SH3RF1: variants seen among roughly 807,000 people sequenced by gnomAD.
SH3RF1 encodes the protein E3 ubiquitin-protein ligase SH3RF1.
Under a neutral mutation model 74.0 loss-of-function variants are expected in SH3RF1, and 32 were observed. The observed-to-expected ratio is 0.43, with a 90% CI of 0.33 to 0.58. The LOEUF is 0.58. Among genes scored for constraint, SH3RF1 ranks in the 20% least tolerant of loss-of-function variants. The probability of loss-of-function intolerance (pLI) is 0.05; values close to 1 mark genes in which losing one functional copy is unlikely to be tolerated. For missense variants in SH3RF1, 954 were observed against 1,130.9 expected, an observed-to-expected ratio of 0.84 and a Z score of 2.24; for synonymous variants, 396 against 439.6, an observed-to-expected ratio of 0.90 and a Z score of 1.24.
At chr4:169,261,128 T>C (rs908967979) in intron 2 of SH3RF1, among the ~76,000 whole-genome samples, 2 of 151,930 alleles carry the variant, frequency 1.3e-5, no homozygotes, top group Non-Finnish European at 2.9e-5. Context: ...GGAGCTTAGG[T>C]CCCTATGGCT....
At chr4:169,123,238 T>C (rs1293414050) in intron 6 of SH3RF1, among the ~76,000 whole-genome samples, 1 of 152,164 alleles carries the variant, frequency 6.6e-6, no homozygotes, top group Non-Finnish European at 1.5e-5. Flanking sequence ...GTCATCTTAT[T>C]TCTGTTTTTT....
chr4:169,153,082 A>G (rs1022367049), intron 4 of SH3RF1, among the ~76,000 whole-genome samples: 5 of 152,134 alleles, frequency 3.3e-5, no homozygotes, highest in Admixed American at 3.3e-4. Flanking sequence ...TTCCTTGGGC[A>G]TATCCATTAC....
intron 2 of SH3RF1, among the ~76,000 whole-genome samples, chr4:169,205,350 C>T (rs1419569895): frequency 2.0e-5 from 3 of 152,172 alleles, no homozygotes; most frequent in African/African-American, 7.2e-5. Context: ...ACAGAAATGA[C>T]TTGTCAGATT....
At chr4:169,160,880 T>C (rs1734139455) in intron 2 of SH3RF1, among the ~76,000 whole-genome samples, 2 of 152,264 alleles carry the variant, frequency 1.3e-5, no homozygotes, top group African/African-American at 4.8e-5. Flanking sequence ...GCCAAAACAA[T>C]TGGTTTGATA....
intron 4 of SH3RF1, among the ~76,000 whole-genome samples, chr4:169,148,420 T>C (rs894593098): frequency 6.6e-6 from 1 of 152,208 alleles, no homozygotes. Context: ...TACAATTATA[T>C]GGCGAGAGGC....
At chr4:169,141,407 C>T (rs1030157831) in intron 4 of SH3RF1, among the ~76,000 whole-genome samples, 1 of 152,090 alleles carries the variant, frequency 6.6e-6, no homozygotes, top group Non-Finnish European at 1.5e-5. Context: ...TTGGCAGGCT[C>T]GTACAAGCAT....
intron 2 of SH3RF1, among the ~76,000 whole-genome samples, chr4:169,234,521 A>G (rs565288600): frequency 3.2e-4 from 48 of 152,200 alleles, no homozygotes; most frequent in Non-Finnish European, 6.3e-4. Context: ...ATTTACATCT[A>G]AACAATGATA....
intron 2 of SH3RF1, among the ~76,000 whole-genome samples, chr4:169,190,272 T>C (rs1449632700): frequency 6.6e-6 from 1 of 151,530 alleles, no homozygotes; most frequent in Non-Finnish European, 1.5e-5. Context: ...AAAAGATAAA[T>C]GAAACAAAAA....
chr4:169,148,274 C>A (rs967587642), intron 4 of SH3RF1, among the ~76,000 whole-genome samples: 3 of 152,162 alleles, frequency 2.0e-5, no homozygotes, highest in Non-Finnish European at 4.4e-5. Context: ...GTGGAGGCCA[C>A]GATTCCTTTC....
At chr4:169,119,547 T>C (rs1042183810) in intron 8 of SH3RF1, among the ~76,000 whole-genome samples, 1 of 152,210 alleles carries the variant, frequency 6.6e-6, no homozygotes, top group Non-Finnish European at 1.5e-5. Flanking sequence ...ATTTCTCTTA[T>C]CCATTATTAT....
At chr4:169,179,365 A>G (rs1316366433) in intron 2 of SH3RF1, among the ~76,000 whole-genome samples, 1 of 152,248 alleles carries the variant, frequency 6.6e-6, no homozygotes, top group Non-Finnish European at 1.5e-5. Context: ...TGGCCCAGGG[A>G]GACCTGTGTT....
intron 2 of SH3RF1, among the ~76,000 whole-genome samples, chr4:169,192,084 A>T (rs1734723302): frequency 6.6e-6 from 1 of 152,224 alleles, no homozygotes; most frequent in Admixed American, 6.5e-5. Flanking sequence ...ACAGCAAAAG[A>T]AACAGTCAGC....
intron 2 of SH3RF1, among the ~76,000 whole-genome samples, chr4:169,177,217 C>T (rs1734435124): frequency 6.6e-6 from 1 of 152,212 alleles, no homozygotes; most frequent in Non-Finnish European, 1.5e-5. Flanking sequence ...CAACCCTGCA[C>T]ACACAGCTGC....
At chr4:169,140,763 G>A (rs28425679) in intron 4 of SH3RF1, among the ~76,000 whole-genome samples, 97 of 152,180 alleles carry the variant, frequency 6.4e-4, no homozygotes, top group African/African-American at 2.2e-3. Context: ...TAAGAACTAA[G>A]TTGAATAGTT....
chr4:169,264,101 A>T (rs142220920), intron 2 of SH3RF1, among the ~76,000 whole-genome samples: 1 of 152,300 alleles, frequency 6.6e-6, no homozygotes, highest in Non-Finnish European at 1.5e-5. Flanking sequence ...TCAGAGTACA[A>T]GTTGGCTAGG....
chr4:169,131,614 C>T (rs1473224548), intron 5 of SH3RF1, among the ~76,000 whole-genome samples: 1 of 152,152 alleles, frequency 6.6e-6, no homozygotes, highest in Admixed American at 6.5e-5. Context: ...CGCTGACTTC[C>T]CAGAACTAAA....
intron 2 of SH3RF1, among the ~76,000 whole-genome samples, chr4:169,233,742 T>C (rs1481893294): frequency 6.6e-6 from 1 of 152,202 alleles, no homozygotes; most frequent in Non-Finnish European, 1.5e-5. Flanking sequence ...ACCACCTCCC[T>C]CTACCCTATT....
intron 2 of SH3RF1, among the ~76,000 whole-genome samples, chr4:169,171,317 C>G (rs1734324091): frequency 6.6e-6 from 1 of 152,172 alleles, no homozygotes; most frequent in Non-Finnish European, 1.5e-5. Flanking sequence ...GTTGGGGGAA[C>G]TGAATTGTTC....
intron 6 of SH3RF1, among the ~76,000 whole-genome samples, chr4:169,124,590 T>C (rs901574593): frequency 2.0e-5 from 3 of 152,224 alleles, no homozygotes; most frequent in Non-Finnish European, 2.9e-5. Flanking sequence ...GCAGATCTTT[T>C]CCCAGTGCAT....
Sources: gnomAD v4.1 joint callset for allele counts (sites outside exome capture counted in the v4.1 genomes callset) on GRCh38, gnomAD v4.1.1 for gene constraint, MANE v1.5 for transcripts, NCBI Gene and HGNC (gene_info 2026-07-23, HGNC 2026-07-21) for gene names.